Variants in PRSS12 observed in about 807,000 individuals in gnomAD.
The protein encoded by PRSS12 is neurotrypsin.
A neutral mutation model predicts 104.4 loss-of-function variants in PRSS12; 85 were observed. That is an observed-to-expected ratio of 0.81 (90% CI 0.68 to 0.98). The LOEUF (loss-of-function observed/expected upper bound fraction) is 0.98, where lower values mean the gene tolerates loss of function less well. Among genes scored for constraint, PRSS12 ranks in the 50% least tolerant of loss-of-function variants. PRSS12 has a pLI of 0.00. For synonymous variants in PRSS12, 454 were observed against 425.2 expected, an observed-to-expected ratio of 1.07 and a Z score of -0.83; for missense variants, 1,141 against 1,139.2, an observed-to-expected ratio of 1.00 and a Z score of -0.02.
At chr4:118,304,366 CTATATT>C (rs1232037931) in intron 8 of PRSS12, among the ~76,000 whole-genome samples, 1 of 151,866 alleles carries the variant, frequency 6.6e-6, no homozygotes, top group African/African-American at 2.4e-5. Flanking sequence ...AATCAAATTA[CTATATT>C]TATATTTCAC....
At position 118,281,141 on chromosome 4, in the gene PRSS12, A is replaced by C. The variant is rs1168114597; in HGVS notation, c.*795T>G. 6.6e-6 allele frequency: 1 copy of C among 152,258 alleles called. No individual in the cohort carries two copies. Among genetic ancestry groups the C allele is most frequent in the Non-Finnish European group, 1.5e-5 (1 of 68,046 alleles). The allele number at this position is 152,258 out of a possible 1,614,324, so 9.4% of individuals were successfully genotyped here. ...CTTACATCATGGTCGGGGAACGTGG[A>C]CTATGATGAGGTGCTTGTTAAAAGC... On this transcript the variant is annotated 3_prime_UTR_variant, in exon 13 of 13. Transcript: ENST00000296498.
chr4:118,316,086 TTTA>T, intron 6 of PRSS12, 93 bp downstream of exon 6: 3 of 1,381,918 alleles, frequency 2.2e-6, no homozygotes, highest in Non-Finnish European at 3.0e-6. Flanking sequence ...AACAGGTATT[TTTA>T]TTATTATAAA....
chr4:118,349,724 CG>C (rs1724444648), intron 1 of PRSS12, among the ~76,000 whole-genome samples: 1 of 152,074 alleles, frequency 6.6e-6, no homozygotes, highest in South Asian at 2.1e-4. Context: ...GAAATGAGGC[CG>C]GGAGCGGTGG....
intron 11 of PRSS12, among the ~76,000 whole-genome samples, chr4:118,291,877 T>C (rs1267515912): frequency 2.6e-5 from 4 of 152,130 alleles, no homozygotes; most frequent in African/African-American, 9.7e-5. Context: ...TCAGCCAAAT[T>C]TCCTGGAACT....
In PRSS12 at chr4:118,281,118, TA is replaced by T. The variant is rs1434052754; in HGVS notation, c.*817del. On this transcript the variant is annotated 3_prime_UTR_variant, in exon 13 of 13. Coordinates refer to ENST00000296498, the MANE Select transcript of PRSS12 (RefSeq NM_003619.4). ...GGGAAGTGTCAGTGGGTGGCACTCT[TA>T]CATCATGGTCGGGGAACGTGGACTA... 1 of 152,264 alleles carries T rather than the reference TA, an allele frequency of 6.6e-6. No homozygotes were observed. The highest frequency in any genetic ancestry group is 1.5e-5 in the Non-Finnish European group (1 of 68,056). The allele number at this position is 152,264 out of a possible 1,614,324, so 9.4% of individuals were successfully genotyped here.
intron 8 of PRSS12, among the ~76,000 whole-genome samples, chr4:118,304,786 A>C (rs1743499412): frequency 6.6e-6 from 1 of 151,962 alleles, no homozygotes; most frequent in Non-Finnish European, 1.5e-5. Context: ...CTTTCTGTTC[A>C]CTTTAAGCAT....
chr4:118,323,736 T>C (rs1723692122), intron 4 of PRSS12, among the ~76,000 whole-genome samples: 3 of 151,536 alleles, frequency 2.0e-5, no homozygotes, highest in East Asian at 3.9e-4. Flanking sequence ...TGCAAACCAA[T>C]AGGCTGGAAG....
intron 4 of PRSS12, among the ~76,000 whole-genome samples, chr4:118,319,893 C>T (rs926225575): frequency 2.0e-5 from 3 of 152,114 alleles, no homozygotes; most frequent in African/African-American, 7.2e-5. Flanking sequence ...CCAGCCTGGT[C>T]TTGAACTCCT....
At position 118,352,841 on chromosome 4, in the gene PRSS12, C is replaced by G. The variant is rs1055344216; in HGVS notation, c.-121G>C. 13 of 1,494,792 alleles carry G rather than the reference C, an allele frequency of 8.7e-6. No individual in the cohort carries two copies. The highest frequency in any genetic ancestry group is 1.4e-5 in the African/African-American group (1 of 70,722). 92.6% of individuals were successfully genotyped at this position (1,494,792 alleles called of 1,614,324 possible). On this transcript the variant is annotated 5_prime_UTR_variant, in exon 1 of 13. Transcript: ENST00000296498. ...GAATCCCCCAGCCCCCTCCCGCCCC[C>G]GCACGCGGACCGCCCTCGCCTCCCC...
In PRSS12 at chr4:118,352,596, T is replaced by C; in HGVS notation, c.125A>G (p.His42Arg). 3.7e-6 allele frequency: 6 copies of C among 1,606,150 alleles called. No homozygotes were observed. Among genetic ancestry groups the C allele is most frequent in the East Asian group, 2.2e-5 (1 of 44,454 alleles). Residue 42 changes from histidine (H) to arginine (R), a missense_variant, in exon 1 of 13, where the codon CAC becomes CGC. His to Arg is a conservative substitution (Grantham distance 29). Coordinates refer to ENST00000296498, the MANE Select transcript of PRSS12 (RefSeq NM_003619.4). ...SHRHSPPAGP[H>R]YPYYLPTQQR... ...CTGGGTGGGAAGGTAATAGGGGTAG[T>C]GCGGACCCGCAGGGGGCGAATGGCG...
At position 118,352,595 on chromosome 4, in the gene PRSS12, G is replaced by A; in HGVS notation, c.126C>T (p.His42=). Reference sequence around the variant, plus strand: ...GCTGGGTGGGAAGGTAATAGGGGTAGTGCGGACCCGCAGGGGGCGAATGGC... The same window carrying A: ...GCTGGGTGGGAAGGTAATAGGGGTAATGCGGACCCGCAGGGGGCGAATGGC... ...SHRHSPPAGP[H]YPYYLPTQQR... is the part of the protein sequence containing the mutation. Residue 42 remains histidine, a synonymous_variant, in exon 1 of 13, where the codon CAC becomes CAT. Transcript: ENST00000296498. The A allele has an allele frequency of 1.2e-6, 2 of 1,606,024 alleles. No homozygotes were observed. The highest frequency in any genetic ancestry group is 1.1e-5 in the South Asian group (1 of 89,512).
chr4:118,289,906 C>T (rs1743092321), intron 11 of PRSS12, among the ~76,000 whole-genome samples: 1 of 152,172 alleles, frequency 6.6e-6, no homozygotes, highest in Non-Finnish European at 1.5e-5. Flanking sequence ...CTTTAATCAA[C>T]TATTTTTATC....
chr4:118,352,055 T>C (rs1724518687), intron 1 of PRSS12, among the ~76,000 whole-genome samples, 164 bp downstream of exon 1: 1 of 152,082 alleles, frequency 6.6e-6, no homozygotes, highest in African/African-American at 2.4e-5. Flanking sequence ...AGCACCAGTA[T>C]ACCTTACTGG....
chr4:118,309,383 T>C (rs988400161), intron 7 of PRSS12, among the ~76,000 whole-genome samples: 1 of 152,146 alleles, frequency 6.6e-6, no homozygotes, highest in East Asian at 1.9e-4. Flanking sequence ...GGTATTCCCA[T>C]AAAATTGAGA....
At position 118,313,237 on chromosome 4, in the gene PRSS12, AGGCAATGC is replaced by A. The variant is rs1403270729; in HGVS notation, c.1445_1452del (p.Ser482MetfsTer24). 1 of 1,613,920 alleles carries A rather than the reference AGGCAATGC, an allele frequency of 6.2e-7. No individual in the cohort carries two copies. The highest frequency in any genetic ancestry group is 1.3e-5 in the African/African-American group (1 of 74,906). On this transcript the variant is annotated frameshift_variant, in exon 7 of 13. Coordinates refer to ENST00000296498, the MANE Select transcript of PRSS12 (RefSeq NM_003619.4). LOFTEE classifies it high-confidence loss of function. ...CTGTGTCCCTCGCCGCCAGGGTAGC[AGGCAATGC>A]TAACATCTTCGCGGTGGCTGCAGTC... is the stretch of plus-strand genomic sequence containing the variant.
At chr4:118,310,245 T>A (rs553518361) in intron 7 of PRSS12, among the ~76,000 whole-genome samples, 39 of 152,244 alleles carry the variant, frequency 2.6e-4, no homozygotes, top group Non-Finnish European at 5.1e-4. Flanking sequence ...ACTTTTTATA[T>A]TTTTGGATAT....
intron 11 of PRSS12, among the ~76,000 whole-genome samples, chr4:118,283,508 G>A (rs1239579702): frequency 6.6e-6 from 1 of 152,218 alleles, no homozygotes; most frequent in African/African-American, 2.4e-5. Flanking sequence ...AACTAACTTT[G>A]TGTCCCTCAA....
At chr4:118,329,277 G>C (rs919564100) in intron 4 of PRSS12, among the ~76,000 whole-genome samples, 5 of 152,010 alleles carry the variant, frequency 3.3e-5, no homozygotes, top group Non-Finnish European at 7.4e-5. Context: ...ATGTTCTATG[G>C]ATTTTTCTAA....
At chr4:118,291,187 TG>T (rs1006099899) in intron 11 of PRSS12, among the ~76,000 whole-genome samples, 1 of 152,082 alleles carries the variant, frequency 6.6e-6, no homozygotes, top group Admixed American at 6.6e-5. Context: ...ACCTAGTAAA[TG>T]AAAGAGGAAT....
Sources: gnomAD v4.1 joint callset for allele counts (sites outside exome capture counted in the v4.1 genomes callset) on GRCh38, gnomAD v4.1.1 for gene constraint, MANE v1.5 for transcripts, NCBI Gene and HGNC (gene_info 2026-07-23, HGNC 2026-07-21) for gene names.